Variants in ZFYVE9 observed in about 807,000 individuals in gnomAD.
ZFYVE9 encodes the protein zinc finger FYVE-type containing 9, also known as zinc finger FYVE domain-containing protein 9.
In ZFYVE9, 43 loss-of-function variants were observed where a neutral mutation model predicts 126.7. That is an observed-to-expected ratio of 0.34 (90% CI 0.27 to 0.44). The LOEUF (loss-of-function observed/expected upper bound fraction) is 0.44, where lower values mean the gene tolerates loss of function less well. Ranked by LOEUF, ZFYVE9 falls within the 20% of genes least tolerant of loss-of-function variation. The probability of loss-of-function intolerance (pLI) is 1.00; values close to 1 mark genes in which losing one functional copy is unlikely to be tolerated. For missense variants in ZFYVE9, 1,476 were observed against 1,697.0 expected (o/e 0.87, Z 2.29); for synonymous variants, 521 against 597.4 (o/e 0.87, Z 1.87).
In ZFYVE9 at chr1:52,263,078, C is replaced by CAA. The variant is rs759753454; in HGVS notation, c.2179-677_2179-676dup. 5.1e-3 allele frequency among the ~76,000 whole-genome samples: 360 copies of CAA among 70,252 alleles called. 4 individuals carry two copies. The highest frequency in any genetic ancestry group is 0.021 in the Middle Eastern group (3 of 146). The allele number at this position is 70,252 out of a possible 152,430, so 46.1% of individuals were successfully genotyped here. On this transcript the variant is annotated intron_variant, in intron 4 of 18. Coordinates refer to ENST00000287727, the MANE Select transcript of ZFYVE9 (RefSeq NM_004799.4). The stretch of plus-strand genomic sequence containing the variant: ...TGGGCCACAGAGTCAAATTGTGTCT[C>CAA]AAAAAAAAAAAAAAAAAAAGAAAAG...
chr1:52,254,582 T>G (rs912543242), intron 4 of ZFYVE9, among the ~76,000 whole-genome samples: 5 of 152,164 alleles, frequency 3.3e-5, no homozygotes, highest in African/African-American at 1.2e-4. Context: ...CTTTTTTGAG[T>G]AAATAATTCT....
chr1:52,309,254 A>G (rs1646114992), intron 13 of ZFYVE9, among the ~76,000 whole-genome samples: 1 of 152,218 alleles, frequency 6.6e-6, no homozygotes, highest in African/African-American at 2.4e-5. Flanking sequence ...AGGTGGGCAG[A>G]TTGCTTGAGC....
intron 8 of ZFYVE9, among the ~76,000 whole-genome samples, chr1:52,278,047 A>G (rs1306107211): frequency 6.6e-6 from 1 of 152,210 alleles, no homozygotes; most frequent in African/African-American, 2.4e-5. Context: ...AAGGTCATAG[A>G]GTAAAAGGTA....
At chr1:52,245,095 T>G (rs193167819) in intron 4 of ZFYVE9, among the ~76,000 whole-genome samples, 166 of 151,894 alleles carry the variant, frequency 1.1e-3, no homozygotes, top group African/African-American at 3.6e-3. Context: ...GAGGCAGAGG[T>G]TGCAGTGAGC....
In ZFYVE9 at chr1:52,329,447, A is replaced by T. The variant is rs1232420323; in HGVS notation, c.3439-3321A>T. On this transcript the variant is annotated intron_variant, in intron 13 of 18. Coordinates refer to ENST00000287727, the MANE Select transcript of ZFYVE9 (RefSeq NM_004799.4). ...TGGATTTGGCATTGGATTCTTAGAT[A>T]TGACCCCAAAAGCACAAGCAACAAA... 2.6e-5 allele frequency among the ~76,000 whole-genome samples: 4 copies of T among 152,338 alleles called. No homozygotes were observed. The South Asian group carries it at 8.3e-4, about 32-fold the overall frequency.
intron 5 of ZFYVE9, among the ~76,000 whole-genome samples, chr1:52,265,313 CT>C (rs1323573744): frequency 2.6e-5 from 4 of 152,090 alleles, no homozygotes; most frequent in Non-Finnish European, 5.9e-5. Context: ...TCTGCCAGTG[CT>C]TTCAAAGGAA....
At chr1:52,292,588 C>T (rs1314557580) in intron 10 of ZFYVE9, among the ~76,000 whole-genome samples, 1 of 150,670 alleles carries the variant, frequency 6.6e-6, no homozygotes, top group African/African-American at 2.4e-5. Flanking sequence ...TCTCCTGCCT[C>T]AGCCTCCTGA....
At chr1:52,222,255 A>G (rs1645130266) in intron 2 of ZFYVE9, among the ~76,000 whole-genome samples, 1 of 152,192 alleles carries the variant, frequency 6.6e-6, no homozygotes, top group African/African-American at 2.4e-5. Context: ...ACTTGTTCTA[A>G]TATTTGACCA....
chr1:52,203,101 CTCTT>C (rs1321259407), intron 1 of ZFYVE9, among the ~76,000 whole-genome samples: 1 of 152,120 alleles, frequency 6.6e-6, no homozygotes, highest in African/African-American at 2.4e-5. Flanking sequence ...TTCTTCACTC[CTCTT>C]TCTCCTTGTT....
At chr1:52,199,210 C>T (rs902287256) in intron 1 of ZFYVE9, among the ~76,000 whole-genome samples, 9 of 152,090 alleles carry the variant, frequency 5.9e-5, no homozygotes, top group Middle Eastern at 3.4e-3. Context: ...GGACTATAGG[C>T]GCTGCCACTA....
At chr1:52,289,364 C>T (rs1645895628) in intron 10 of ZFYVE9, among the ~76,000 whole-genome samples, 1 of 152,164 alleles carries the variant, frequency 6.6e-6, no homozygotes, top group African/African-American at 2.4e-5. Flanking sequence ...TGGTACCGTT[C>T]TGCTTACCTA....
intron 13 of ZFYVE9, 127 bp downstream of exon 13, chr1:52,304,052 C>A: frequency 1.9e-6 from 1 of 534,778 alleles, no homozygotes; most frequent in Non-Finnish European, 3.0e-6. Context: ...TATTGTATGG[C>A]TTAGTTCAAT....
At chr1:52,174,874 C>T in intron 1 of ZFYVE9, among the ~76,000 whole-genome samples, 1 of 152,074 alleles carries the variant, frequency 6.6e-6, no homozygotes, top group Non-Finnish European at 1.5e-5. Context: ...TTCCTCCATC[C>T]TTTTATTTTG....
intron 10 of ZFYVE9, among the ~76,000 whole-genome samples, chr1:52,285,609 G>C (rs892716167): frequency 3.3e-5 from 5 of 152,104 alleles, no homozygotes; most frequent in Non-Finnish European, 5.9e-5. Flanking sequence ...ATCTGTCACT[G>C]TCTCCCATCA....
At chr1:52,178,674 A>T (rs895939044) in intron 1 of ZFYVE9, among the ~76,000 whole-genome samples, 2 of 152,194 alleles carry the variant, frequency 1.3e-5, no homozygotes, top group African/African-American at 2.4e-5. Context: ...TCTGTGTAGC[A>T]GATGGGTTGA....
intron 4 of ZFYVE9, among the ~76,000 whole-genome samples, chr1:52,246,335 T>C (rs567843718): frequency 6.6e-6 from 1 of 152,250 alleles, no homozygotes; most frequent in African/African-American, 2.4e-5. Flanking sequence ...TGAATAGTTA[T>C]GTGTTAAATT....
In ZFYVE9 at chr1:52,316,188, AAAG is replaced by A. The variant is rs1423561337; in HGVS notation, c.3438+12266_3438+12268del. On this transcript the variant is annotated intron_variant, in intron 13 of 18. Transcript: ENST00000287727. Reference sequence around the variant, plus strand: ...CTCAAAAAAAAAAAAAAAAAAAAAAAAAGAAAAGAAACCACAGCCGGGTGCAGT... The same window carrying A: ...CTCAAAAAAAAAAAAAAAAAAAAAAAAAAAGAAACCACAGCCGGGTGCAGT... Among the ~76,000 whole-genome samples, 50 of 148,146 alleles carry A rather than the reference AAAG, an allele frequency of 3.4e-4. 1 individual carries two copies. The highest frequency in any genetic ancestry group is 1.4e-3 in the East Asian group (7 of 5,024).
chr1:52,225,258 C>T (rs1308372577), intron 2 of ZFYVE9, among the ~76,000 whole-genome samples: 7 of 152,132 alleles, frequency 4.6e-5, no homozygotes, highest in African/African-American at 9.7e-5. Flanking sequence ...GGGCGAGATT[C>T]GATCCTCCAC....
intron 13 of ZFYVE9, among the ~76,000 whole-genome samples, chr1:52,315,798 G>T (rs539933778): frequency 6.6e-6 from 1 of 152,186 alleles, no homozygotes; most frequent in Non-Finnish European, 1.5e-5. Context: ...ATACCTTCAA[G>T]TAAAAGGCAG....
Sources: allele counts gnomAD v4.1 joint callset (sites outside exome capture counted in the v4.1 genomes callset), GRCh38; gene constraint gnomAD v4.1.1; transcripts MANE v1.5; gene names NCBI Gene and HGNC (gene_info 2026-07-23, HGNC 2026-07-21).